Variants in PLD5 observed in about 807,000 individuals in gnomAD.
PLD5 encodes the protein inactive phospholipase D5.
In PLD5, 36 loss-of-function variants were observed where a neutral mutation model predicts 61.1. The observed-to-expected ratio is 0.59, with a 90% CI of 0.45 to 0.78. PLD5 has a LOEUF of 0.78. Ranked by LOEUF, PLD5 falls within the 30% of genes least tolerant of loss-of-function variation. PLD5 has a pLI of 0.00. For missense variants in PLD5, 515 were observed against 644.4 expected (o/e 0.80, Z 2.17); for synonymous variants, 243 against 242.8 (o/e 1.00, Z -0.01).
chr1:242,482,526 C>T (rs1337993957), intron 1 of PLD5, among the ~76,000 whole-genome samples: 1 of 152,058 alleles, frequency 6.6e-6, no homozygotes, highest in Non-Finnish European at 1.5e-5. Flanking sequence ...TAAAAAGAAA[C>T]AAACAAAGCC....
rs74719763 is a variant in PLD5, at chr1:242,403,983, G to A, written c.190-55741C>T. ...AGCATCCCCCACCTCACTTGGCTTCGGAAAAAATTCCAGAAGTGGAGTAGT... is the reference window on the plus strand; with the variant it reads ...AGCATCCCCCACCTCACTTGGCTTCAGAAAAAATTCCAGAAGTGGAGTAGT... On this transcript the variant is annotated intron_variant, in intron 1 of 9. Transcript: ENST00000536534. 1.8e-4 allele frequency among the ~76,000 whole-genome samples: 28 copies of A among 152,170 alleles called. No individual in the cohort carries two copies. In the South Asian group the frequency reaches 2.5e-3, roughly 14 times the overall value.
At chr1:242,282,515 A>G (rs1674770436) in intron 3 of PLD5, among the ~76,000 whole-genome samples, 1 of 152,198 alleles carries the variant, frequency 6.6e-6, no homozygotes, top group African/African-American at 2.4e-5. Context: ...ATTTCTCGAA[A>G]TCAAACAATT....
At chr1:242,390,348 G>A (rs1175328142) in intron 1 of PLD5, among the ~76,000 whole-genome samples, 1 of 152,174 alleles carries the variant, frequency 6.6e-6, no homozygotes, top group Non-Finnish European at 1.5e-5. Context: ...CTGGTCAACT[G>A]AAGCAGAGAG....
chr1:242,140,710 C>T (rs1664097337), intron 5 of PLD5, among the ~76,000 whole-genome samples: 1 of 152,022 alleles, frequency 6.6e-6, no homozygotes, highest in African/African-American at 2.4e-5. Flanking sequence ...ATGGGGCCAA[C>T]TGAGACATAG....
intron 1 of PLD5, among the ~76,000 whole-genome samples, chr1:242,486,430 C>T (rs1207315175): frequency 7.9e-5 from 12 of 152,104 alleles, no homozygotes; most frequent in African/African-American, 2.7e-4. Flanking sequence ...CAAAAGAAGA[C>T]ATTTATGCAG....
At chr1:242,336,501 C>T (rs1015752926) in intron 2 of PLD5, among the ~76,000 whole-genome samples, 7 of 151,852 alleles carry the variant, frequency 4.6e-5, no homozygotes, top group African/African-American at 9.7e-5. Context: ...TGTCTTAATA[C>T]GTAAAGGCGT....
chr1:242,182,362 GT>G (rs1667575242), intron 5 of PLD5, among the ~76,000 whole-genome samples: 1 of 77,628 alleles, frequency 1.3e-5, no homozygotes, highest in Non-Finnish European at 2.5e-5. Flanking sequence ...ATTGGTGTGA[GT>G]TTTAAGTGGT....
chr1:242,483,872 G>T (rs1337278883), intron 1 of PLD5, among the ~76,000 whole-genome samples: 2 of 151,934 alleles, frequency 1.3e-5, no homozygotes, highest in Admixed American at 1.3e-4. Flanking sequence ...TCAGACCACA[G>T]TGCAATCAAA....
At chr1:242,269,094 C>T (rs1241251826) in intron 3 of PLD5, among the ~76,000 whole-genome samples, 4 of 152,148 alleles carry the variant, frequency 2.6e-5, no homozygotes, top group East Asian at 3.9e-4. Context: ...CCACCTCCCT[C>T]GGCCTCCCAA....
chr1:242,392,887 C>T (rs1294418478), intron 1 of PLD5, among the ~76,000 whole-genome samples: 1 of 152,126 alleles, frequency 6.6e-6, no homozygotes, highest in East Asian at 1.9e-4. Context: ...AGAAATTAAA[C>T]ACATGTACAA....
chr1:242,262,570 G>T (rs1449242267), intron 4 of PLD5, among the ~76,000 whole-genome samples: 1 of 152,162 alleles, frequency 6.6e-6, no homozygotes, highest in African/African-American at 2.4e-5. Context: ...AAAGAGGAAA[G>T]GTGACAAAGG....
intron 1 of PLD5, among the ~76,000 whole-genome samples, chr1:242,381,520 C>A (rs1662279082): frequency 6.6e-6 from 1 of 152,234 alleles, no homozygotes; most frequent in Admixed American, 6.5e-5. Context: ...AACAAACCTG[C>A]ACATCCTGGA....
chr1:242,114,597 C>T (rs963844438), intron 6 of PLD5, among the ~76,000 whole-genome samples: 5 of 152,204 alleles, frequency 3.3e-5, no homozygotes, highest in Non-Finnish European at 7.3e-5. Flanking sequence ...TATTTACAGC[C>T]GCTCCCCCTT....
intron 1 of PLD5, among the ~76,000 whole-genome samples, chr1:242,474,243 C>T (rs892961564): frequency 6.6e-6 from 1 of 152,212 alleles, no homozygotes; most frequent in Admixed American, 6.5e-5. Context: ...TCAAGTGCCA[C>T]TGGCCATCCT....
At chr1:242,099,875 T>C (rs1660554239) in intron 9 of PLD5, among the ~76,000 whole-genome samples, 1 of 152,208 alleles carries the variant, frequency 6.6e-6, no homozygotes, top group African/African-American at 2.4e-5. Flanking sequence ...TACACTGCTG[T>C]TTTTGGATTT....
At chr1:242,373,414 T>C (rs567210726) in intron 1 of PLD5, among the ~76,000 whole-genome samples, 2 of 152,260 alleles carry the variant, frequency 1.3e-5, no homozygotes, top group East Asian at 3.9e-4. Context: ...GATCTAGAAC[T>C]AGAAATACCA....
At chr1:242,108,072 C>A (rs923546187) in intron 7 of PLD5, among the ~76,000 whole-genome samples, 3 of 152,090 alleles carry the variant, frequency 2.0e-5, no homozygotes, top group Admixed American at 6.6e-5. Flanking sequence ...ACCACCAGGT[C>A]CTTGGGCTGT....
In PLD5 at chr1:242,220,259, A is replaced by G. The variant is rs1048531025; in HGVS notation, c.608-144T>C. 4 of 1,036,842 alleles carry G rather than the reference A, an allele frequency of 3.9e-6. No individual in the cohort carries two copies. In the Admixed American group the frequency reaches 7.1e-5, roughly 18 times the overall value. The allele number at this position is 1,036,842 out of a possible 1,614,324, so 64.2% of individuals were successfully genotyped here. ...CTAAATATTTATGTTAGTTTGGTGG[A>G]GAGAAGGTCCCCAAGGTATTATTTT... On this transcript the variant is annotated intron_variant, in intron 4 of 9. Transcript: ENST00000536534.
chr1:242,484,153 C>G (rs146208185), intron 1 of PLD5, among the ~76,000 whole-genome samples: 3,541 of 151,934 alleles, frequency 0.023, 133 homozygotes, highest in African/African-American at 0.08. Flanking sequence ...AAAAGAACTA[C>G]AGAAGCAAGA....
Sources: allele counts gnomAD v4.1 joint callset (sites outside exome capture counted in the v4.1 genomes callset), GRCh38; gene constraint gnomAD v4.1.1; transcripts MANE v1.5; gene names NCBI Gene and HGNC (gene_info 2026-07-23, HGNC 2026-07-21).